CNGB1: variants seen among roughly 807,000 people sequenced by gnomAD.
CNGB1 encodes the protein cyclic nucleotide-gated channel beta-1.
In CNGB1, 126 loss-of-function variants were observed where a neutral mutation model predicts 151.7. The ratio of observed to expected loss-of-function variants is 0.83; its 90% CI spans 0.72 to 0.96. The LOEUF is 0.96. CNGB1 is among the 40% of genes least tolerant of loss of function. The pLI, the probability that CNGB1 is intolerant of heterozygous loss-of-function variation, is 0.00. For missense variants in CNGB1, 1,698 were observed against 1,627.0 expected (o/e 1.04, Z -0.75); for synonymous variants, 623 against 635.1 (o/e 0.98, Z 0.29).
chr16:57,885,576 C>CTT (rs1465013652), intron 32 of CNGB1, among the ~76,000 whole-genome samples: 9 of 124,228 alleles, frequency 7.2e-5, no homozygotes, highest in African/African-American at 2.8e-4. Flanking sequence ...CTCTCTCTCT[C>CTT]TCTTTCTTTC....
At chr16:57,889,426 A>G (rs1449315604) in intron 31 of CNGB1, among the ~76,000 whole-genome samples, 1 of 152,178 alleles carries the variant, frequency 6.6e-6, no homozygotes, top group Non-Finnish European at 1.5e-5. Context: ...TACAACCCCA[A>G]GGAACTGAAT....
chr16:57,918,706 G>T (rs191575202), intron 20 of CNGB1, among the ~76,000 whole-genome samples: 1 of 152,188 alleles, frequency 6.6e-6, no homozygotes, highest in Non-Finnish European at 1.5e-5. Flanking sequence ...AGGGACTTTT[G>T]TTGTTGTTTT....
chr16:57,883,905 A>G lies in CNGB1; in HGVS notation c.*259T>C. ...AAAAGAGGAACAGTCAGGAAAAGGT[A>G]GGGCTCTCAAATGATAGTGAGAGCT... On this transcript the variant is annotated 3_prime_UTR_variant, in exon 33 of 33. Coordinates refer to ENST00000251102, the MANE Select transcript of CNGB1 (RefSeq NM_001297.5). The G allele has an allele frequency of 1.7e-6, 1 of 588,016 alleles. No homozygotes were observed. Among genetic ancestry groups the G allele is most frequent in the Non-Finnish European group, 3.0e-6 (1 of 329,250 alleles). The allele number at this position is 588,016 out of a possible 1,614,324, so 36.4% of individuals were successfully genotyped here.
chr16:57,883,080 C>T lies in CNGB1; in HGVS notation c.*1084G>A, dbSNP rs1441590366. ...CCTGGCCAGTAAGTCCATTTCCCTT[C>T]TATCTGTTCTGAGATAATGGCATTG... On this transcript the variant is annotated 3_prime_UTR_variant, in exon 33 of 33. Coordinates refer to ENST00000251102, the MANE Select transcript of CNGB1 (RefSeq NM_001297.5). The T allele has an allele frequency of 6.6e-6, 1 of 152,216 alleles. No homozygotes were observed. The highest frequency in any genetic ancestry group is 2.4e-5 in the African/African-American group (1 of 41,450). 9.4% of individuals were successfully genotyped at this position (152,216 alleles called of 1,614,324 possible). A position where few individuals can be genotyped will look rare whatever the true frequency, so the allele number is the denominator to read the frequency against.
chr16:57,903,739 A>G, intron 27 of CNGB1, 83 bp downstream of exon 27: 5 of 1,491,206 alleles, frequency 3.4e-6, no homozygotes, highest in Non-Finnish European at 4.6e-6. Flanking sequence ...AGGACGAGGG[A>G]GGCGCCCCGA....
Position 57,963,010 on chromosome 16 carries a change from C to A in CNGB1, c.345G>T (p.Pro115=). The change falls in exon 5 of 33, where the codon CCG becomes CCT. Residue 115 remains proline (P), a synonymous_variant. Coordinates refer to ENST00000251102, the MANE Select transcript of CNGB1 (RefSeq NM_001297.5). ...WLMKGVEKVI[P]QPVHSITEDP... ...CCTCCGTGATGCTGTGAACAGGCTG[C>A]GGGATCACCTTCTCTACGCCCTTCA... is the stretch of plus-strand genomic sequence containing the variant. The A allele has an allele frequency of 6.2e-7, 1 of 1,613,400 alleles. No homozygotes were observed. Among genetic ancestry groups the A allele is most frequent in the Non-Finnish European group, 8.5e-7 (1 of 1,179,986 alleles).
intron 12 of CNGB1, among the ~76,000 whole-genome samples, chr16:57,953,247 G>T (rs1226057055): frequency 6.6e-6 from 1 of 152,086 alleles, no homozygotes; most frequent in Non-Finnish European, 1.5e-5. Context: ...CTGTAATCCC[G>T]GCACTTTGGG....
intron 2 of CNGB1, among the ~76,000 whole-genome samples, chr16:57,966,611 G>A (rs976083897): frequency 1.3e-4 from 20 of 152,226 alleles, no homozygotes; most frequent in African/African-American, 4.8e-4. Context: ...AAACTAATCA[G>A]TGTACTTAGC....
intron 16 of CNGB1, 81 bp downstream of exon 16, chr16:57,939,349 G>A: frequency 1.3e-6 from 2 of 1,587,302 alleles, no homozygotes; most frequent in South Asian, 1.1e-5. Context: ...AGGAGGGGTT[G>A]CCCCTGCACG....
At chr16:57,940,366 G>T (rs1312704958) in intron 14 of CNGB1, 45 bp from the exon 15 acceptor site, 1 of 1,538,876 alleles carries the variant, frequency 6.5e-7, no homozygotes, top group East Asian at 2.4e-5. Context: ...ACTGGGTTAG[G>T]GTGTTAAAGG....
intron 11 of CNGB1, among the ~76,000 whole-genome samples, chr16:57,957,750 A>G (rs1962127389): frequency 6.6e-6 from 1 of 152,120 alleles, no homozygotes. Flanking sequence ...CTCCATTCTC[A>G]CAGCCCTGGG....
chr16:57,887,912 C>T lies in CNGB1; in HGVS notation c.3405G>A (p.Arg1135=), dbSNP rs1260568783. Residue 1135 remains arginine, a synonymous_variant, in exon 32 of 33, where the codon CGG becomes CGA. Transcript: ENST00000251102. ...KGGKLAHLRA[R]LKELAALEAA... ...CCTCCAGCGCGGCCAGTTCTTTGAG[C>T]CGGGCCCGGAGGTGAGCAAGTTTGC... is the stretch of plus-strand genomic sequence containing the variant. 1 of 1,614,090 alleles carries T rather than the reference C, an allele frequency of 6.2e-7. No individual in the cohort carries two copies. Among genetic ancestry groups the T allele is most frequent in the African/African-American group, 1.3e-5 (1 of 74,932 alleles).
chr16:57,931,968 A>C, intron 16 of CNGB1, 90 bp from the exon 17 acceptor site: 1 of 1,437,980 alleles, frequency 7.0e-7, no homozygotes, highest in Admixed American at 1.9e-5. Context: ...AACCAGAGAA[A>C]GCATGTTTGG....
chr16:57,918,557 C>A (rs535738869), intron 20 of CNGB1, among the ~76,000 whole-genome samples: 1 of 152,164 alleles, frequency 6.6e-6, no homozygotes, highest in Non-Finnish European at 1.5e-5. Context: ...AAGGCCAGCA[C>A]GACCAGAGTG....
At chr16:57,937,019 A>G (rs1961529808) in intron 16 of CNGB1, 1 of 152,426 alleles carries the variant, frequency 6.6e-6, no homozygotes, top group African/African-American at 2.4e-5. Context: ...GCACCCAGGC[A>G]GGAAGACAGC....
intron 15 of CNGB1, 64 bp downstream of exon 15, chr16:57,940,170 T>C (rs542370061): frequency 1.4e-6 from 2 of 1,446,398 alleles, no homozygotes; most frequent in South Asian, 2.4e-5. Flanking sequence ...GTGGACAAGG[T>C]CCCCATCCTT....
At chr16:57,899,312 G>A (rs1293270099) in intron 29 of CNGB1, among the ~76,000 whole-genome samples, 1 of 149,944 alleles carries the variant, frequency 6.7e-6, no homozygotes, top group Non-Finnish European at 1.5e-5. Context: ...AGGGGAAGAG[G>A]AGGTCTACAG....
At chr16:57,961,066 C>T in intron 7 of CNGB1, 151 bp from the exon 8 acceptor site, 1 of 735,174 alleles carries the variant, frequency 1.4e-6, no homozygotes, top group Admixed American at 2.1e-5. Flanking sequence ...TCTCAAAGGG[C>T]CCCAAGCGGG....
intron 12 of CNGB1, among the ~76,000 whole-genome samples, chr16:57,956,376 C>G (rs1253958984): frequency 1.3e-5 from 2 of 152,178 alleles, no homozygotes; most frequent in African/African-American, 4.8e-5. Flanking sequence ...CAGCTCTCCT[C>G]CTCCTCATGT....
Sources: allele counts gnomAD v4.1 joint callset (sites outside exome capture counted in the v4.1 genomes callset), GRCh38; gene constraint gnomAD v4.1.1; transcripts MANE v1.5; gene names NCBI Gene and HGNC (gene_info 2026-07-23, HGNC 2026-07-21).